Variants in RBFOX1 observed in about 807,000 individuals in gnomAD.
The protein encoded by RBFOX1 is RNA binding fox-1 homolog 1, also known as RNA binding protein fox-1 homolog 1.
RBFOX1 carries 8 observed loss-of-function variants against 57.7 expected under a neutral mutation model. That is an observed-to-expected ratio of 0.14 (90% CI 0.08 to 0.25). RBFOX1 has a LOEUF of 0.25. Ranked by LOEUF, RBFOX1 falls within the 10% of genes least tolerant of loss-of-function variation. The pLI is 1.00. For missense variants in RBFOX1, 611 were observed against 548.5 expected, an observed-to-expected ratio of 1.11 and a Z score of -1.14; for synonymous variants, 326 against 222.4, an observed-to-expected ratio of 1.47 and a Z score of -4.15.
intron 1 of RBFOX1, among the ~76,000 whole-genome samples, chr16:6,246,324 C>T (rs768885087): frequency 6.6e-5 from 10 of 152,136 alleles, no homozygotes; most frequent in African/African-American, 1.7e-4. Flanking sequence ...TTGCTGTAGA[C>T]AGACATCCTC....
At chr16:7,047,497 CT>C (rs1213387269) in intron 3 of RBFOX1, among the ~76,000 whole-genome samples, 1 of 151,986 alleles carries the variant, frequency 6.6e-6, no homozygotes, top group Non-Finnish European at 1.5e-5. Flanking sequence ...TAATTTTAGG[CT>C]TTACCAATAT....
intron 3 of RBFOX1, among the ~76,000 whole-genome samples, chr16:6,707,862 T>C (rs2063043744): frequency 6.6e-6 from 1 of 152,182 alleles, no homozygotes; most frequent in African/African-American, 2.4e-5. Flanking sequence ...AAAGAAAACA[T>C]TAAGCTTGTA....
intron 2 of RBFOX1, among the ~76,000 whole-genome samples, chr16:6,626,377 C>G (rs1276746247): frequency 6.6e-6 from 1 of 152,050 alleles, no homozygotes; most frequent in South Asian, 2.1e-4. Flanking sequence ...GGAGCTGAGG[C>G]TCGGGAGGGC....
chr16:6,931,400 T>C (rs951402578), intron 3 of RBFOX1, among the ~76,000 whole-genome samples: 5 of 152,092 alleles, frequency 3.3e-5, no homozygotes, highest in African/African-American at 1.2e-4. Flanking sequence ...TGTGTATGTT[T>C]ATGTGTGCAT....
chr16:6,897,154 G>A (rs943640502), intron 3 of RBFOX1, among the ~76,000 whole-genome samples: 2 of 152,178 alleles, frequency 1.3e-5, no homozygotes, highest in African/African-American at 2.4e-5. Context: ...TGCCCAAGCT[G>A]ACACAGCGGC....
Position 5,856,262 on chromosome 16 carries a change from TA to T in RBFOX1, c.319-11040del, listed in dbSNP as rs1419579610. Among the ~76,000 whole-genome samples the T allele has an allele frequency of 1.8e-4, 3 of 16,992 alleles. 1 individual carries two copies. Among genetic ancestry groups the T allele is most frequent in the African/African-American group, 2.4e-4 (1 of 4,186 alleles). The allele number at this position is 16,992 out of a possible 152,430, so 11.1% of individuals were successfully genotyped here. A position where few individuals can be genotyped will look rare whatever the true frequency, so the allele number is the denominator to read the frequency against. On this transcript the variant is annotated intron_variant, in intron 3 of 19. Coordinates refer to the RBFOX1 transcript ENST00000641259. ...ATGTGTATATATATGTATATATATG[TA>T]TATATATATACACATATATATACAC...
chr16:5,882,140 C>T (rs747181605), intron 4 of RBFOX1, among the ~76,000 whole-genome samples: 11 of 152,206 alleles, frequency 7.2e-5, no homozygotes, highest in Non-Finnish European at 1.5e-4. Flanking sequence ...CCTTTGAATT[C>T]AGGCATTCTC....
At chr16:7,659,758 T>G (rs975206131) in intron 12 of RBFOX1, among the ~76,000 whole-genome samples, 2 of 152,184 alleles carry the variant, frequency 1.3e-5, no homozygotes, top group Admixed American at 6.5e-5. Flanking sequence ...TTTGCTAGTT[T>G]TAAAATGTAA....
chr16:6,182,465 CAT>C (rs2097071206), intron 1 of RBFOX1, among the ~76,000 whole-genome samples: 1 of 152,182 alleles, frequency 6.6e-6, no homozygotes, highest in Admixed American at 6.5e-5. Flanking sequence ...AGCTAATATG[CAT>C]TTGTTTTTTA....
At chr16:6,653,516 G>A (rs888643492) in intron 2 of RBFOX1, among the ~76,000 whole-genome samples, 3 of 152,116 alleles carry the variant, frequency 2.0e-5, no homozygotes, top group Admixed American at 6.5e-5. Context: ...CTGAGGGTAG[G>A]AATTATGTTT....
chr16:6,843,013 A>G (rs1024680807), intron 3 of RBFOX1, among the ~76,000 whole-genome samples: 1 of 152,010 alleles, frequency 6.6e-6, no homozygotes, highest in Non-Finnish European at 1.5e-5. Flanking sequence ...ATTCTTTTTT[A>G]TGGCTGCCTA....
At chr16:5,945,164 C>T (rs2059376068) in intron 4 of RBFOX1, among the ~76,000 whole-genome samples, 1 of 152,004 alleles carries the variant, frequency 6.6e-6, no homozygotes, top group South Asian at 2.1e-4. Context: ...TTGAGCAAGT[C>T]ATTACAGAAT....
rs1026864002 is a variant in RBFOX1 at position 6,614,757 on chromosome 16, C to T, written c.-63-39846C>T. Among the ~76,000 whole-genome samples, 2 of 152,158 alleles carry T rather than the reference C, an allele frequency of 1.3e-5. 1 individual carries two copies. Among genetic ancestry groups the T allele is most frequent in the Non-Finnish European group, 2.9e-5 (2 of 68,030 alleles). ...TCTTCGTGTGGCATTTTCCATCTGT[C>T]TCTGACTTCACATGGCCATTTTATT... On this transcript the variant is annotated intron_variant, in intron 2 of 15. Transcript: ENST00000550418.
In RBFOX1 at chr16:5,573,853, C is replaced by T. The variant is rs146054502; in HGVS notation, c.259-25049C>T. On this transcript the variant is annotated intron_variant, in intron 2 of 2. Coordinates refer to the RBFOX1 transcript ENST00000585867. ...CCTGTAGTCCCAGCTACTTGGGAGGCTGATGTGTGAGGATCACCTGAGCCT... is the reference window on the plus strand; with the variant it reads ...CCTGTAGTCCCAGCTACTTGGGAGGTTGATGTGTGAGGATCACCTGAGCCT... Among the ~76,000 whole-genome samples, 871 of 152,166 alleles carry T rather than the reference C, an allele frequency of 5.7e-3. 13 individuals carry two copies. The highest frequency in any genetic ancestry group is 0.02 in the African/African-American group (832 of 41,522).
chr16:6,586,900 A>T (rs1396141208), intron 2 of RBFOX1, among the ~76,000 whole-genome samples: 3 of 152,316 alleles, frequency 2.0e-5, no homozygotes, highest in Non-Finnish European at 4.4e-5. Flanking sequence ...ATTGACACTA[A>T]AAATTGTATA....
chr16:5,631,095 C>T (rs1162119793), intron 3 of RBFOX1, among the ~76,000 whole-genome samples: 1 of 152,182 alleles, frequency 6.6e-6, no homozygotes, highest in African/African-American at 2.4e-5. Context: ...CTCAGAGGTG[C>T]TGCATCTACA....
intron 4 of RBFOX1, among the ~76,000 whole-genome samples, chr16:7,142,779 C>T (rs923963714): frequency 6.6e-6 from 1 of 152,160 alleles, no homozygotes; most frequent in African/African-American, 2.4e-5. Context: ...TGCCTTACAC[C>T]GTTCTGAACA....
intron 1 of RBFOX1, among the ~76,000 whole-genome samples, chr16:5,278,145 G>T (rs1420166365): frequency 6.6e-6 from 1 of 152,090 alleles, no homozygotes; most frequent in Admixed American, 6.6e-5. Flanking sequence ...ATATTCTTTT[G>T]TTCAGATACT....
chr16:7,536,577 C>G (rs529592068), intron 5 of RBFOX1, among the ~76,000 whole-genome samples: 145 of 152,230 alleles, frequency 9.5e-4, no homozygotes, highest in African/African-American at 3.4e-3. Flanking sequence ...CTGGGCAACA[C>G]AGTGAGACTT....
Sources: allele counts gnomAD v4.1 joint callset (sites outside exome capture counted in the v4.1 genomes callset), GRCh38; gene constraint gnomAD v4.1.1; transcripts MANE v1.5; gene names NCBI Gene and HGNC (gene_info 2026-07-23, HGNC 2026-07-21).